Variants in MKLN1 observed in about 807,000 individuals in gnomAD.
MKLN1 encodes the protein muskelin.
Under a neutral mutation model 99.0 loss-of-function variants are expected in MKLN1, and 18 were observed. That is an observed-to-expected ratio of 0.18 (90% CI 0.13 to 0.27). The LOEUF (loss-of-function observed/expected upper bound fraction) is 0.27, where lower values mean the gene tolerates loss of function less well. Ranked by LOEUF, MKLN1 falls within the 10% of genes least tolerant of loss-of-function variation. The pLI is 1.00. For synonymous variants in MKLN1, 288 were observed against 293.2 expected (o/e 0.98, Z 0.18); for missense variants, 621 against 875.9 (o/e 0.71, Z 3.67).
intron 1 of MKLN1, among the ~76,000 whole-genome samples, chr7:131,115,683 C>G (rs1288280471): frequency 6.6e-6 from 1 of 152,140 alleles, no homozygotes; most frequent in African/African-American, 2.4e-5. Flanking sequence ...TCCCACCACT[C>G]TCCACCACCG....
At chr7:131,292,259 G>C (rs745522752) in intron 3 of MKLN1, among the ~76,000 whole-genome samples, 54 of 152,120 alleles carry the variant, frequency 3.5e-4, no homozygotes, top group Non-Finnish European at 5.7e-4. Context: ...TTAAAAAGTT[G>C]GGGAAGGGAA....
chr7:131,395,449 ATTTTTATT>A (rs1794331126), intron 4 of MKLN1, among the ~76,000 whole-genome samples: 1 of 103,194 alleles, frequency 9.7e-6, no homozygotes, highest in Admixed American at 1.0e-4. Flanking sequence ...GGTAAAAATT[ATTTTTATT>A]TTATTTTATT....
chr7:131,268,529 A>G (rs1456668624), intron 3 of MKLN1, among the ~76,000 whole-genome samples: 3 of 152,198 alleles, frequency 2.0e-5, no homozygotes, highest in Non-Finnish European at 4.4e-5. Context: ...ATTCAAGCAT[A>G]TAACCTTCTT....
chr7:131,118,351 C>G (rs554544906), intron 1 of MKLN1, among the ~76,000 whole-genome samples: 1 of 152,034 alleles, frequency 6.6e-6, no homozygotes, highest in Non-Finnish European at 1.5e-5. Context: ...GTCAGGAGTT[C>G]GAGACCAGCC....
intron 3 of MKLN1, among the ~76,000 whole-genome samples, chr7:131,316,158 C>A (rs1159120207): frequency 6.6e-6 from 1 of 152,204 alleles, no homozygotes; most frequent in Non-Finnish European, 1.5e-5. Context: ...CAGGGCTTGA[C>A]AGAAACCTCC....
At chr7:131,129,261 G>A (rs1288268034) in intron 1 of MKLN1, among the ~76,000 whole-genome samples, 1 of 152,090 alleles carries the variant, frequency 6.6e-6, no homozygotes, top group African/African-American at 2.4e-5. Flanking sequence ...ACCACATTGG[G>A]AATATAAATT....
chr7:131,126,414 A>G (rs1000471428), intron 1 of MKLN1, among the ~76,000 whole-genome samples: 3 of 152,258 alleles, frequency 2.0e-5, no homozygotes, highest in African/African-American at 7.2e-5. Flanking sequence ...TCATTTAACT[A>G]TAGCATGTCC....
At chr7:131,123,987 C>T (rs1795416422) in intron 1 of MKLN1, among the ~76,000 whole-genome samples, 1 of 152,148 alleles carries the variant, frequency 6.6e-6, no homozygotes, top group Admixed American at 6.5e-5. Flanking sequence ...CAACAATAGG[C>T]AGTCAGACAA....
At chr7:131,282,833 A>C (rs1033201899) in intron 3 of MKLN1, among the ~76,000 whole-genome samples, 1 of 152,182 alleles carries the variant, frequency 6.6e-6, no homozygotes, top group Non-Finnish European at 1.5e-5. Context: ...ATATTCTCAG[A>C]TGGTGGGGCA....
intron 6 of MKLN1, among the ~76,000 whole-genome samples, chr7:131,400,743 T>C (rs967057094): frequency 6.6e-6 from 1 of 152,000 alleles, no homozygotes; most frequent in Non-Finnish European, 1.5e-5. Context: ...AAGGTCTCTT[T>C]AGTGACGTAC....
chr7:131,301,899 G>A (rs1296119803), intron 3 of MKLN1, among the ~76,000 whole-genome samples: 1 of 152,176 alleles, frequency 6.6e-6, no homozygotes, highest in Non-Finnish European at 1.5e-5. Context: ...ATCCTTTGAT[G>A]CCAGGTAACA....
At chr7:131,420,608 A>T (rs1367562085) in intron 8 of MKLN1, among the ~76,000 whole-genome samples, 7 of 152,208 alleles carry the variant, frequency 4.6e-5, no homozygotes, top group Non-Finnish European at 1.0e-4. Flanking sequence ...GGTTCAGGAG[A>T]TAGATCTAAC....
intron 3 of MKLN1, among the ~76,000 whole-genome samples, chr7:131,222,387 G>A (rs1210658337): frequency 6.6e-6 from 1 of 152,166 alleles, no homozygotes; most frequent in Non-Finnish European, 1.5e-5. Context: ...GGTGGAAGAA[G>A]GGAAGACATC....
At chr7:131,330,755 T>G (rs188108527) in intron 1 of MKLN1, among the ~76,000 whole-genome samples, 2 of 152,348 alleles carry the variant, frequency 1.3e-5, no homozygotes, top group African/African-American at 4.8e-5. Flanking sequence ...ATTTTCTTTC[T>G]AAGGACTTAG....
intron 8 of MKLN1, among the ~76,000 whole-genome samples, chr7:131,424,656 G>A (rs1014628511): frequency 2.0e-5 from 3 of 151,986 alleles, no homozygotes; most frequent in African/African-American, 7.3e-5. Flanking sequence ...GTACCAAATT[G>A]GTACATGTAC....
chr7:131,380,106 C>T (rs778730950), intron 2 of MKLN1, among the ~76,000 whole-genome samples: 1 of 152,122 alleles, frequency 6.6e-6, no homozygotes, highest in Non-Finnish European at 1.5e-5. Context: ...TGAGCGTGAA[C>T]CAGAAATAAT....
chr7:131,136,078 G>A (rs963391524), intron 1 of MKLN1, among the ~76,000 whole-genome samples: 1 of 152,130 alleles, frequency 6.6e-6, no homozygotes, highest in African/African-American at 2.4e-5. Context: ...TCTCCTCCTG[G>A]CCTCAGTTCA....
chr7:131,265,325 A>T (rs1167841725), intron 3 of MKLN1, among the ~76,000 whole-genome samples: 2 of 152,220 alleles, frequency 1.3e-5, no homozygotes, highest in Admixed American at 6.5e-5. Context: ...GCCAAACAGT[A>T]TAGTCATCCA....
intron 2 of MKLN1, among the ~76,000 whole-genome samples, chr7:131,177,011 T>G (rs1319391631): frequency 6.6e-6 from 1 of 152,176 alleles, no homozygotes; most frequent in African/African-American, 2.4e-5. Flanking sequence ...GCTATGATGA[T>G]CTCCACTTTC....
Sources: allele counts gnomAD v4.1 joint callset (sites outside exome capture counted in the v4.1 genomes callset), GRCh38; gene constraint gnomAD v4.1.1; transcripts MANE v1.5; gene names NCBI Gene and HGNC (gene_info 2026-07-23, HGNC 2026-07-21).